MYOZ3: variants seen among roughly 807,000 people sequenced by gnomAD.
MYOZ3 encodes the protein myozenin-3.
MYOZ3 carries 19 observed loss-of-function variants against 26.5 expected under a neutral mutation model. That is an observed-to-expected ratio of 0.72 (90% confidence interval 0.50 to 1.05). The LOEUF is 1.05. MYOZ3 is among the 50% of genes least tolerant of loss of function. The pLI, the probability that MYOZ3 is intolerant of heterozygous loss-of-function variation, is 0.00. For synonymous variants in MYOZ3, 135 were observed against 138.8 expected (o/e 0.97, Z 0.19); for missense variants, 322 against 337.1 (o/e 0.96, Z 0.35).
At chr5:150,667,708 C>A (rs1043823005) in intron 2 of MYOZ3, among the ~76,000 whole-genome samples, 1 of 152,200 alleles carries the variant, frequency 6.6e-6, no homozygotes, top group African/African-American at 2.4e-5. Context: ...CTCTTCCAAG[C>A]AGTTGTCTAT....
chr5:150,671,764 GC>G lies in MYOZ3; in HGVS notation c.282del (p.Asn95MetfsTer53). The G allele has an allele frequency of 6.2e-7, 1 of 1,613,360 alleles. No homozygotes were observed. The highest frequency in any genetic ancestry group is 8.5e-7 in the Non-Finnish European group (1 of 1,179,956). On this transcript the variant is annotated frameshift_variant, in exon 5 of 7. Transcript: ENST00000517768. LOFTEE classifies it high-confidence loss of function. ...GTAESGTVAN[A>X]NGPEGPNYRS... Reference sequence around the variant, plus strand: ...CCGCCCCTGTGCCCAGGTTGCCAATGCCAATGGCCCTGAGGGGCCGAACTAC... The same window carrying G: ...CCGCCCCTGTGCCCAGGTTGCCAATGCAATGGCCCTGAGGGGCCGAACTAC...
At chr5:150,672,041 C>A in intron 5 of MYOZ3, 133 bp downstream of exon 5, 2 of 1,338,992 alleles carry the variant, frequency 1.5e-6, no homozygotes, top group African/African-American at 2.9e-5. Flanking sequence ...CGCGCGCACT[C>A]CCCTCGCCAG....
Position 150,672,512 on chromosome 5 carries a change from G to A in MYOZ3, c.587+10G>A. The stretch of plus-strand genomic sequence containing the variant: ...ACCGAAATTTCAACAAGTAAGGCGG[G>A]GCGGGCAGCCCGGGGGACAGACCGG... On this transcript the variant is annotated intron_variant, in intron 6 of 6. Transcript: ENST00000517768. The A allele has an allele frequency of 1.3e-6, 2 of 1,554,658 alleles. No homozygotes were observed. Among genetic ancestry groups the A allele is most frequent in the Non-Finnish European group, 8.7e-7 (1 of 1,149,660 alleles).
rs200529440 is a variant in MYOZ3 at position 150,670,464 on chromosome 5, G to A, written c.62-20G>A. 2.2e-5 allele frequency: 35 copies of A among 1,594,878 alleles called. No homozygotes were observed. The Middle Eastern group carries it at 5.5e-4, about 25-fold the overall frequency. Reference sequence around the variant, plus strand: ...ATGGGGGATGGGGTGGTGAGAGCCCGCTCTGGCCTTTCCTGGCAGTCCCTA... The same window carrying A: ...ATGGGGGATGGGGTGGTGAGAGCCCACTCTGGCCTTTCCTGGCAGTCCCTA... On this transcript the variant is annotated intron_variant, in intron 2 of 6. Transcript: ENST00000517768.
At chr5:150,672,224 C>T (rs943261073) in intron 5 of MYOZ3, 116 bp from the exon 6 acceptor site, 16 of 1,458,374 alleles carry the variant, frequency 1.1e-5, no homozygotes, top group African/African-American at 4.2e-5. Context: ...GCCGTCCTCT[C>T]CCCTAACTCC....
Position 150,677,105 on chromosome 5 carries a change from CAG to C in MYOZ3, c.*233_*234del, listed in dbSNP as rs1759023525. The C allele has an allele frequency of 2.0e-6, 1 of 494,708 alleles. No homozygotes were observed. Among genetic ancestry groups the C allele is most frequent in the Non-Finnish European group, 3.6e-6 (1 of 275,780 alleles). The allele number at this position is 494,708 out of a possible 1,614,324, so 30.6% of individuals were successfully genotyped here. On this transcript the variant is annotated 3_prime_UTR_variant, in exon 7 of 7. Coordinates refer to ENST00000517768, the MANE Select transcript of MYOZ3 (RefSeq NM_001122853.3). ...CTGGACTGTCCCAGACTTGCAGCAT[CAG>C]AGTCTCCTGAGTCGAGGAATCTGTA...
chr5:150,675,372 C>CA (rs1561672435), intron 6 of MYOZ3, among the ~76,000 whole-genome samples: 5 of 150,952 alleles, frequency 3.3e-5, no homozygotes, highest in African/African-American at 1.2e-4. Context: ...TTTTCTTTTT[C>CA]TTTTTTTTTC....
At chr5:150,672,109 G>A in intron 5 of MYOZ3, 1 of 1,071,772 alleles carries the variant, frequency 9.3e-7, no homozygotes. Flanking sequence ...CCAAGGCCAA[G>A]ACCAACCCGC....
Position 150,679,071 on chromosome 5 carries a change from A to G in MYOZ3, c.*2196A>G, listed in dbSNP as rs914824879. 2 of 152,348 alleles carry G rather than the reference A, an allele frequency of 1.3e-5. No homozygotes were observed. The highest frequency in any genetic ancestry group is 2.9e-5 in the Non-Finnish European group (2 of 68,038). 9.4% of individuals were successfully genotyped at this position (152,348 alleles called of 1,614,324 possible). On this transcript the variant is annotated 3_prime_UTR_variant, in exon 7 of 7. Coordinates refer to ENST00000517768, the MANE Select transcript of MYOZ3 (RefSeq NM_001122853.3). ...GGCCTGACTTTTAGAATTGCTTGCA[A>G]TTGGTGTTTTCTCTTGAATTTGGGG...
chr5:150,670,864 G>A, intron 3 of MYOZ3: 1 of 189,376 alleles, frequency 5.3e-6, no homozygotes, highest in South Asian at 2.0e-4. Flanking sequence ...AAGCCGTGGA[G>A]TGAAGGGACT....
Position 150,671,785 on chromosome 5 carries a change from A to G in MYOZ3, c.301A>G (p.Asn101Asp), listed in dbSNP as rs1354660791. 6.2e-7 allele frequency: 1 copy of G among 1,613,132 alleles called. No individual in the cohort carries two copies. Among genetic ancestry groups the G allele is most frequent in the Admixed American group, 1.7e-5 (1 of 60,016 alleles). Residue 101 changes from asparagine to aspartate, a missense_variant, in exon 5 of 7, where the codon AAC (asparagine) becomes GAC (aspartate). Physicochemically the swap from Asn to Asp is conservative, Grantham distance 23. Transcript: ENST00000517768. ...CAATGCCAATGGCCCTGAGGGGCCG[A>G]ACTACCGCTCGGAGCTCCACATCTT... is the stretch of plus-strand genomic sequence containing the variant. Reference protein sequence around the residue: ...VANANGPEGPNYRSELHIFPA... With the variant: ...VANANGPEGPDYRSELHIFPA...
At chr5:150,672,214 G>A (rs1208823577) in intron 5 of MYOZ3, 126 bp from the exon 6 acceptor site, 2 of 1,405,318 alleles carry the variant, frequency 1.4e-6, no homozygotes, top group Admixed American at 2.0e-5. Flanking sequence ...TCCCATTCCC[G>A]CCGTCCTCTC....
chr5:150,661,786 T>C (rs1758736188), intron 1 of MYOZ3, among the ~76,000 whole-genome samples: 1 of 152,212 alleles, frequency 6.6e-6, no homozygotes, highest in African/African-American at 2.4e-5. Context: ...ATCTGTGGAC[T>C]GTGGAATCCT....
chr5:150,667,763 T>G (rs544013740), intron 2 of MYOZ3, among the ~76,000 whole-genome samples: 2 of 152,340 alleles, frequency 1.3e-5, no homozygotes, highest in South Asian at 4.1e-4. Context: ...GACATTTTAT[T>G]AGTCAATTTC....
In MYOZ3 at chr5:150,671,907, A is replaced by C. The variant is rs373090645; in HGVS notation, c.423A>C (p.Pro141=). The change falls in exon 5 of 7, where the codon CCA becomes CCC. Residue 141 remains proline, a splice_region_variant and synonymous_variant. Coordinates refer to ENST00000517768, the MANE Select transcript of MYOZ3 (RefSeq NM_001122853.3). The part of the protein sequence containing the change: ...GCVPSPSALA[P]GYAEPLKGVP... The stretch of plus-strand genomic sequence containing the variant: ...TCCCCAGCCCCAGCGCCCTGGCGCC[A>C]GGTGAGTGGCCTCCTCGGGTCCCGG... 295 of 1,536,934 alleles carry C rather than the reference A, an allele frequency of 1.9e-4. No homozygotes were observed. The African/African-American group carries it at 3.4e-3, about 18-fold the overall frequency.
rs1046424644 is a variant in MYOZ3, at chr5:150,676,348, A to C, written c.588-359A>C. On this transcript the variant is annotated intron_variant, in intron 6 of 6. Transcript: ENST00000517768. ...ATCATGAGGTCAGGAGTTTGAGACT[A>C]GCCTGGCCAACATGGTGAAACCCCG... Among the ~76,000 whole-genome samples, 3 of 152,200 alleles carry C rather than the reference A, an allele frequency of 2.0e-5. 1 individual carries two copies.
chr5:150,672,977 G>A (rs1016375762), intron 6 of MYOZ3: 1 of 155,912 alleles, frequency 6.4e-6, no homozygotes. Context: ...TCAGCAGTTC[G>A]AGGCCAGCTC....
At chr5:150,667,346 T>C (rs932217167) in intron 2 of MYOZ3, among the ~76,000 whole-genome samples, 5 of 152,222 alleles carry the variant, frequency 3.3e-5, no homozygotes, top group African/African-American at 1.2e-4. Context: ...TTGCTTCTTA[T>C]TCCACTGAGA....
In MYOZ3 at chr5:150,670,620, A is replaced by AGCAG. The variant is rs760736326; in HGVS notation, c.199_202dup (p.Ala68GlyfsTer32). 9.3e-6 allele frequency: 15 copies of AGCAG among 1,609,954 alleles called. No homozygotes were observed. The South Asian group carries it at 1.7e-4, about 18-fold the overall frequency. On this transcript the variant is annotated frameshift_variant, in exon 3 of 7. Coordinates refer to ENST00000517768, the MANE Select transcript of MYOZ3 (RefSeq NM_001122853.3). LOFTEE classifies it high-confidence loss of function. ...GTGTGCAGAAGTTCACTTTCGAGTT[A>AGCAG]GCAGCCAGCCAGCGGGCGGTGAGTA...
Sources: gnomAD v4.1 joint callset for allele counts (sites outside exome capture counted in the v4.1 genomes callset) on GRCh38, gnomAD v4.1.1 for gene constraint, MANE v1.5 for transcripts, NCBI Gene and HGNC (gene_info 2026-07-23, HGNC 2026-07-21) for gene names.